The following CSMD1 variants were observed in gnomAD, a reference collection of about 807,000 sequenced individuals.
The protein encoded by CSMD1 is CUB and Sushi multiple domains 1, also known as CUB and sushi domain-containing protein 1.
In CSMD1, 213 loss-of-function variants were observed where a neutral mutation model predicts 417.5. That is an observed-to-expected ratio of 0.51 (90% CI 0.46 to 0.57). The LOEUF is 0.57. Among genes scored for constraint, CSMD1 ranks in the 20% least tolerant of loss-of-function variants. The probability of loss-of-function intolerance (pLI) is 0.00; values close to 1 mark genes in which losing one functional copy is unlikely to be tolerated. For missense variants in CSMD1, 6,923 were observed against 4,529.7 expected (o/e 1.53, Z -15.17); for synonymous variants, 2,862 against 1,736.8 (o/e 1.65, Z -16.11).
At chr8:3,466,688 C>G (rs976289683) in intron 12 of CSMD1, among the ~76,000 whole-genome samples, 1 of 151,456 alleles carries the variant, frequency 6.6e-6, no homozygotes, top group African/African-American at 2.4e-5. Flanking sequence ...CTTGGTCTCC[C>G]AAAGCACTAT....
At chr8:3,869,551 G>A (rs910785458) in intron 5 of CSMD1, among the ~76,000 whole-genome samples, 1 of 152,160 alleles carries the variant, frequency 6.6e-6, no homozygotes, top group Admixed American at 6.5e-5. Context: ...GAGAGTGCCT[G>A]ACTTGGTTCA....
chr8:3,102,391 G>A (rs896557690), intron 46 of CSMD1, among the ~76,000 whole-genome samples: 2 of 152,168 alleles, frequency 1.3e-5, no homozygotes, highest in African/African-American at 4.8e-5. Flanking sequence ...AAAGAGAAGA[G>A]AACTAGGTTA....
At chr8:4,751,016 A>G (rs982688414) in intron 1 of CSMD1, among the ~76,000 whole-genome samples, 1 of 152,186 alleles carries the variant, frequency 6.6e-6, no homozygotes, top group Non-Finnish European at 1.5e-5. Context: ...TATGGTGGCT[A>G]TTTGCTAAGA....
chr8:3,176,782 CT>C (rs35353241), intron 37 of CSMD1, among the ~76,000 whole-genome samples: 3,052 of 146,178 alleles, frequency 0.021, 114 homozygotes, highest in African/African-American at 0.072. Context: ...CTTTTTCTTT[CT>C]TTTTTTTTTT....
In CSMD1 at chr8:4,672,456, T is replaced by C. The variant is rs139367075; in HGVS notation, c.86-34898A>G. On this transcript the variant is annotated intron_variant, in intron 1 of 69. Transcript: ENST00000635120. ...TATGTAAAATAACCCATTTTCTCAA[T>C]GAGAAAAGAGGGAGAATAATTCCTT... 1.5e-3 allele frequency among the ~76,000 whole-genome samples: 229 copies of C among 152,152 alleles called. 1 individual carries two copies. Among genetic ancestry groups the C allele is most frequent in the African/African-American group, 4.5e-3 (188 of 41,510 alleles).
intron 1 of CSMD1, among the ~76,000 whole-genome samples, chr8:4,823,349 TACA>T (rs1799624545): frequency 1.3e-5 from 2 of 152,100 alleles, no homozygotes; most frequent in African/African-American, 4.8e-5. Context: ...GTATTACAAT[TACA>T]ATTACACTCT....
At chr8:3,840,913 G>A (rs1482713000) in intron 5 of CSMD1, among the ~76,000 whole-genome samples, 1 of 151,904 alleles carries the variant, frequency 6.6e-6, no homozygotes, top group Non-Finnish European at 1.5e-5. Flanking sequence ...CACCATATCG[G>A]TCAGGCTGGT....
intron 1 of CSMD1, among the ~76,000 whole-genome samples, chr8:4,758,126 C>T (rs940517479): frequency 2.6e-5 from 4 of 152,060 alleles, no homozygotes; most frequent in Non-Finnish European, 5.9e-5. Context: ...TAATTGGCAA[C>T]ATTGACCAAC....
chr8:3,983,439 C>T (rs1415267870), intron 5 of CSMD1, among the ~76,000 whole-genome samples: 2 of 152,042 alleles, frequency 1.3e-5, no homozygotes, highest in Non-Finnish European at 1.5e-5. Flanking sequence ...CGCAGCCTCC[C>T]ACATCTAAAA....
intron 5 of CSMD1, among the ~76,000 whole-genome samples, chr8:3,841,391 G>C (rs1803123478): frequency 6.6e-6 from 1 of 152,112 alleles, no homozygotes; most frequent in Admixed American, 6.6e-5. Context: ...CTCAAGCAAT[G>C]TGTTTGATTG....
At chr8:3,061,312 C>G (rs1225879517) in intron 49 of CSMD1, among the ~76,000 whole-genome samples, 1 of 152,124 alleles carries the variant, frequency 6.6e-6, no homozygotes, top group Non-Finnish European at 1.5e-5. Flanking sequence ...ATTATTTTGT[C>G]ATGAGAAATA....
chr8:3,287,917 C>G (rs1468843607), intron 25 of CSMD1, among the ~76,000 whole-genome samples: 1 of 145,898 alleles, frequency 6.9e-6, no homozygotes, highest in Admixed American at 6.8e-5. Flanking sequence ...TTTGCCTATT[C>G]AGTATGATAT....
chr8:3,652,957 C>T (rs546137511), intron 7 of CSMD1, among the ~76,000 whole-genome samples: 3 of 152,222 alleles, frequency 2.0e-5, no homozygotes, highest in East Asian at 3.9e-4. Context: ...CTTATTTTCT[C>T]CTGACTGCTT....
At chr8:3,336,535 T>C (rs577683135) in intron 23 of CSMD1, among the ~76,000 whole-genome samples, 1 of 152,290 alleles carries the variant, frequency 6.6e-6, no homozygotes, top group Admixed American at 6.5e-5. Flanking sequence ...TGGGAAAAAG[T>C]GTGGTGGTTG....
At chr8:3,882,123 G>C (rs974134514) in intron 5 of CSMD1, among the ~76,000 whole-genome samples, 1 of 151,698 alleles carries the variant, frequency 6.6e-6, no homozygotes, top group East Asian at 1.9e-4. Context: ...CAGAAAGTGA[G>C]AAAAAATCAT....
At chr8:2,973,621 G>A (rs1387494597) in intron 56 of CSMD1, among the ~76,000 whole-genome samples, 2 of 149,718 alleles carry the variant, frequency 1.3e-5, no homozygotes, top group African/African-American at 4.9e-5. Flanking sequence ...GGTAGGTAGA[G>A]AGCAAAAGGA....
chr8:4,439,839 G>T (rs777683097), intron 2 of CSMD1, among the ~76,000 whole-genome samples: 2 of 152,164 alleles, frequency 1.3e-5, no homozygotes, highest in Non-Finnish European at 2.9e-5. Flanking sequence ...CACTAATACA[G>T]AAGGCAGCTT....
intron 3 of CSMD1, among the ~76,000 whole-genome samples, chr8:4,119,598 GGA>G (rs1802364074): frequency 6.6e-6 from 1 of 151,348 alleles, no homozygotes; most frequent in Non-Finnish European, 1.5e-5. Flanking sequence ...TTCTATCTAG[GGA>G]GGAGACCAGG....
intron 6 of CSMD1, among the ~76,000 whole-genome samples, chr8:3,709,153 A>ATTTTTTTTTTTT (rs10646728): frequency 6.8e-6 from 1 of 146,214 alleles, no homozygotes; most frequent in African/African-American, 2.5e-5. Flanking sequence ...AAGAAGTTTC[A>ATTTTTTTTTTTT]TTTTTTTTTT....
Sources: allele counts gnomAD v4.1 joint callset (sites outside exome capture counted in the v4.1 genomes callset), GRCh38; gene constraint gnomAD v4.1.1; transcripts MANE v1.5; gene names NCBI Gene and HGNC (gene_info 2026-07-23, HGNC 2026-07-21).